CSMD1: variants seen among roughly 807,000 people sequenced by gnomAD.
CSMD1 encodes CUB and sushi domain-containing protein 1.
A neutral mutation model predicts 417.5 loss-of-function variants in CSMD1; 213 were observed. That is an observed-to-expected ratio of 0.51 (90% CI 0.46 to 0.57). The LOEUF (loss-of-function observed/expected upper bound fraction) is 0.57. CSMD1 is among the 20% of genes least tolerant of loss of function. The pLI is 0.00. For missense variants in CSMD1, 6,923 were observed against 4,529.7 expected (o/e 1.53, Z -15.17); for synonymous variants, 2,862 against 1,736.8 (o/e 1.65, Z -16.11).
At chr8:4,648,241 T>C (rs1336280556) in intron 1 of CSMD1, among the ~76,000 whole-genome samples, 1 of 152,234 alleles carries the variant, frequency 6.6e-6, no homozygotes, top group Non-Finnish European at 1.5e-5. Flanking sequence ...TTCATATCCT[T>C]TGCCCACTTT....
intron 10 of CSMD1, among the ~76,000 whole-genome samples, chr8:3,519,408 T>G (rs7839882): frequency 0.24 from 35,943 of 152,056 alleles, 5,685 homozygotes; most frequent in African/African-American, 0.44. Context: ...ACTAGTCTGG[T>G]AATTGCATGC....
At chr8:3,443,515 G>A (rs548908363) in intron 12 of CSMD1, among the ~76,000 whole-genome samples, 3 of 152,264 alleles carry the variant, frequency 2.0e-5, no homozygotes, top group South Asian at 2.1e-4. Flanking sequence ...TTTCTTAAAA[G>A]CAAGAATGAA....
At chr8:4,242,776 T>C (rs1157951444) in intron 3 of CSMD1, among the ~76,000 whole-genome samples, 1 of 152,198 alleles carries the variant, frequency 6.6e-6, no homozygotes, top group Non-Finnish European at 1.5e-5. Flanking sequence ...GGAAAGATGG[T>C]AATTTATTCA....
intron 23 of CSMD1, among the ~76,000 whole-genome samples, chr8:3,322,982 C>G (rs952341539): frequency 2.0e-5 from 3 of 152,114 alleles, no homozygotes; most frequent in African/African-American, 7.2e-5. Flanking sequence ...ACACTGAAGC[C>G]TTCCTCATCA....
chr8:3,766,329 C>A (rs1324139215), intron 5 of CSMD1, among the ~76,000 whole-genome samples: 1 of 152,156 alleles, frequency 6.6e-6, no homozygotes, highest in African/African-American at 2.4e-5. Context: ...TATTAAAAAT[C>A]TTGGTTGCAA....
intron 3 of CSMD1, among the ~76,000 whole-genome samples, chr8:4,077,307 A>ATATATATGTGTATATATATATATATGTG (rs879414534): frequency 7.1e-6 from 1 of 141,516 alleles, no homozygotes; most frequent in Non-Finnish European, 1.5e-5. Flanking sequence ...GTATATATAT[A>ATATATATGTGTATATATATATATATGTG]TATATATATA....
At chr8:3,558,268 C>T (rs1162843954) in intron 10 of CSMD1, among the ~76,000 whole-genome samples, 1 of 151,040 alleles carries the variant, frequency 6.6e-6, no homozygotes, top group Non-Finnish European at 1.5e-5. Context: ...GTGTCCACTC[C>T]TCCAGTGATG....
At chr8:4,133,342 A>G (rs1281316956) in intron 3 of CSMD1, among the ~76,000 whole-genome samples, 1 of 152,256 alleles carries the variant, frequency 6.6e-6, no homozygotes, top group Non-Finnish European at 1.5e-5. Flanking sequence ...ACTTCTCAGC[A>G]TGGTAAGCAC....
intron 10 of CSMD1, among the ~76,000 whole-genome samples, chr8:3,565,215 G>GAGATAGAT (rs377144821): frequency 1.4e-5 from 2 of 139,172 alleles, no homozygotes; most frequent in South Asian, 4.8e-4. Context: ...GATAGATAGA[G>GAGATAGAT]AGATAGACAG....
chr8:4,843,127 G>T (rs574082910), intron 1 of CSMD1, among the ~76,000 whole-genome samples: 62 of 152,260 alleles, frequency 4.1e-4, no homozygotes, highest in African/African-American at 1.4e-3. Flanking sequence ...TCGAGGAAAT[G>T]AACAAACATG....
intron 69 of CSMD1, among the ~76,000 whole-genome samples, chr8:2,941,469 G>C (rs1271380741): frequency 1.3e-5 from 2 of 152,156 alleles, no homozygotes; most frequent in African/African-American, 4.8e-5. Context: ...TGTAGTTAAT[G>C]CTACCATTTC....
At chr8:3,707,112 G>A (rs1384240718) in intron 7 of CSMD1, among the ~76,000 whole-genome samples, 2 of 152,076 alleles carry the variant, frequency 1.3e-5, no homozygotes, top group Non-Finnish European at 1.5e-5. Context: ...CTCTCAACCT[G>A]CGCAGGACTG....
intron 23 of CSMD1, among the ~76,000 whole-genome samples, chr8:3,333,313 G>A (rs1015444365): frequency 7.2e-5 from 11 of 152,120 alleles, no homozygotes; most frequent in Non-Finnish European, 1.2e-4. Context: ...GCCCCTACAC[G>A]TGTGGTATTT....
chr8:4,850,499 T>C (rs1801406521), intron 1 of CSMD1, among the ~76,000 whole-genome samples: 1 of 151,238 alleles, frequency 6.6e-6, no homozygotes, highest in Admixed American at 6.6e-5. Flanking sequence ...TTGCAAACAT[T>C]GGTTATTTTC....
chr8:4,386,619 G>A (rs1238137786), intron 3 of CSMD1, among the ~76,000 whole-genome samples: 2 of 152,184 alleles, frequency 1.3e-5, no homozygotes, highest in Non-Finnish European at 2.9e-5. Context: ...TTTAATCAGA[G>A]AGACCCTGGC....
intron 3 of CSMD1, among the ~76,000 whole-genome samples, chr8:4,235,933 G>C (rs554066691): frequency 6.6e-5 from 10 of 151,052 alleles, no homozygotes; most frequent in African/African-American, 2.4e-4. Flanking sequence ...AACCATTTGT[G>C]TTTACCGTGA....
chr8:4,381,295 A>T (rs1803085686), intron 3 of CSMD1, among the ~76,000 whole-genome samples: 1 of 152,076 alleles, frequency 6.6e-6, no homozygotes, highest in Non-Finnish European at 1.5e-5. Context: ...GGTTGGGGAA[A>T]CCACTGGGTG....
At chr8:3,692,817 A>G (rs182560050) in intron 7 of CSMD1, among the ~76,000 whole-genome samples, 29 of 152,336 alleles carry the variant, frequency 1.9e-4, no homozygotes, top group African/African-American at 6.0e-4. Context: ...CCTAATATGC[A>G]TGGCAAAAAT....
intron 1 of CSMD1, among the ~76,000 whole-genome samples, chr8:4,745,476 G>C (rs1017901016): frequency 3.3e-5 from 5 of 152,046 alleles, no homozygotes; most frequent in African/African-American, 7.2e-5. Flanking sequence ...TTAACACTGT[G>C]GTATCATATA....
Sources: gnomAD v4.1 joint callset for allele counts (sites outside exome capture counted in the v4.1 genomes callset) on GRCh38, gnomAD v4.1.1 for gene constraint, MANE v1.5 for transcripts, NCBI Gene and HGNC (gene_info 2026-07-23, HGNC 2026-07-21) for gene names.